The following FSTL4 variants were observed in gnomAD, a reference collection of about 807,000 sequenced individuals.
FSTL4 encodes follistatin like 4.
Under a neutral mutation model 78.2 loss-of-function variants are expected in FSTL4, and 28 were observed. That is an observed-to-expected ratio of 0.36 (90% confidence interval 0.27 to 0.49). FSTL4 has a LOEUF of 0.49. FSTL4 is among the 20% of genes least tolerant of loss of function. The pLI is 0.98. For missense variants in FSTL4, 922 were observed against 1,084.9 expected, an observed-to-expected ratio of 0.85 and a Z score of 2.11; for synonymous variants, 422 against 440.5, an observed-to-expected ratio of 0.96 and a Z score of 0.53.
At chr5:133,772,635 A>T in the FSTL4 span, among the ~76,000 whole-genome samples, 274 of 152,182 alleles carry the variant, frequency 1.8e-3, no homozygotes, top group African/African-American at 6.1e-3. Context: ...TCCATGGAGG[A>T]AGGTAGAAAA....
In FSTL4 at chr5:133,520,974, C is replaced by T. The variant is rs75322702; in HGVS notation, c.160+46212G>A. Among the ~76,000 whole-genome samples the T allele has an allele frequency of 8.3e-3, 1,260 of 152,200 alleles. 3 individuals carry two copies. Among genetic ancestry groups the T allele is most frequent in the Non-Finnish European group, 0.012 (840 of 68,010 alleles). ...CACCATGTAAGGAAAGATGTGGGTT[C>T]GAAGTCCCTGTGTGGATTAAACTTT... On this transcript the variant is annotated intron_variant, in intron 3 of 15. Transcript: ENST00000265342.
intron 2 of FSTL4, among the ~76,000 whole-genome samples, chr5:133,573,597 G>A (rs144688994): frequency 2.0e-5 from 3 of 152,156 alleles, no homozygotes; most frequent in Admixed American, 2.0e-4. Flanking sequence ...AGAACTAAGA[G>A]GAGAATTTTT....
At chr5:133,408,299 C>T (rs887182258) in intron 3 of FSTL4, among the ~76,000 whole-genome samples, 4 of 152,106 alleles carry the variant, frequency 2.6e-5, no homozygotes, top group Non-Finnish European at 4.4e-5. Flanking sequence ...CCTGCAGTAA[C>T]CAACGTCACC....
chr5:133,744,458 C>T, the FSTL4 span, among the ~76,000 whole-genome samples: 2,204 of 152,302 alleles, frequency 0.014, 50 homozygotes, highest in African/African-American at 0.049. Context: ...CATGGTGCTG[C>T]AGACAAGGCT....
chr5:133,803,078 G>C, the FSTL4 span, among the ~76,000 whole-genome samples: 2 of 152,164 alleles, frequency 1.3e-5, no homozygotes, highest in Non-Finnish European at 2.9e-5. Flanking sequence ...CAATCAGATA[G>C]AGCAGAACCA....
chr5:133,535,503 G>C (rs1016677660), intron 3 of FSTL4, among the ~76,000 whole-genome samples: 2 of 152,326 alleles, frequency 1.3e-5, no homozygotes, highest in African/African-American at 2.4e-5. Context: ...CCGTCCCTTC[G>C]TTTCCCTTAA....
At chr5:133,590,902 A>G (rs1760610220) in intron 2 of FSTL4, among the ~76,000 whole-genome samples, 2 of 152,186 alleles carry the variant, frequency 1.3e-5, no homozygotes, top group African/African-American at 4.8e-5. Flanking sequence ...ACAGAGAGCA[A>G]GAGATCCAAT....
the FSTL4 span, among the ~76,000 whole-genome samples, chr5:133,709,384 T>C: frequency 1.3e-5 from 2 of 152,276 alleles, no homozygotes; most frequent in African/African-American, 2.4e-5. Context: ...ACTTCTATAA[T>C]ACTTGAGAGA....
chr5:133,838,470 C>T, the FSTL4 span, among the ~76,000 whole-genome samples: 8 of 152,132 alleles, frequency 5.3e-5, no homozygotes, highest in Admixed American at 1.3e-4. Flanking sequence ...CTGAGCTGGA[C>T]GATTCTGGTT....
At chr5:133,502,438 G>A (rs1016053040) in intron 3 of FSTL4, among the ~76,000 whole-genome samples, 1 of 152,184 alleles carries the variant, frequency 6.6e-6, no homozygotes, top group African/African-American at 2.4e-5. Flanking sequence ...AGTCGGCAAA[G>A]AAAGCAGGTG....
chr5:133,311,440 G>GC (rs1753781932), intron 6 of FSTL4, among the ~76,000 whole-genome samples: 1 of 152,128 alleles, frequency 6.6e-6, no homozygotes, highest in South Asian at 2.1e-4. Context: ...AACTGGAAAG[G>GC]CCCCTGCAAC....
At chr5:133,667,434 A>G in the FSTL4 span, among the ~76,000 whole-genome samples, 1 of 152,216 alleles carries the variant, frequency 6.6e-6, no homozygotes, top group African/African-American at 2.4e-5. Flanking sequence ...TGTCATTTCA[A>G]TGCTGTAAAT....
At position 133,278,204 on chromosome 5, in the gene FSTL4, G is replaced by A. The variant is rs113505877; in HGVS notation, c.728-28628C>T. Reference sequence around the variant, plus strand: ...AGGTCCCATGACTGGCTGCAAGAACGGCCAGTCTATAGGAGGGCTAGGCAT... The same window carrying A: ...AGGTCCCATGACTGGCTGCAAGAACAGCCAGTCTATAGGAGGGCTAGGCAT... On this transcript the variant is annotated intron_variant, in intron 6 of 15. Transcript: ENST00000265342. 1.1e-3 allele frequency among the ~76,000 whole-genome samples: 163 copies of A among 152,268 alleles called. 1 individual carries two copies. The highest frequency in any genetic ancestry group is 3.5e-3 in the African/African-American group (145 of 41,546).
chr5:133,560,016 C>A (rs2112936630), intron 3 of FSTL4, among the ~76,000 whole-genome samples: 1 of 152,302 alleles, frequency 6.6e-6, no homozygotes, highest in African/African-American at 2.4e-5. Flanking sequence ...ACATGCCAGG[C>A]ATCTAACACT....
At chr5:133,466,270 C>T (rs555733724) in intron 3 of FSTL4, among the ~76,000 whole-genome samples, 239 of 152,310 alleles carry the variant, frequency 1.6e-3, no homozygotes, top group Non-Finnish European at 2.9e-3. Flanking sequence ...CGGCCAGGTG[C>T]GGTGGCTCAA....
the FSTL4 span, chr5:133,720,970 G>A: frequency 6.6e-6 from 1 of 152,196 alleles, no homozygotes; most frequent in Non-Finnish European, 1.5e-5. Flanking sequence ...TCTCAGATGA[G>A]CAAGCTTCAT....
At chr5:133,764,669 C>G in the FSTL4 span, among the ~76,000 whole-genome samples, 19 of 152,208 alleles carry the variant, frequency 1.2e-4, no homozygotes, top group Non-Finnish European at 2.2e-4. Context: ...AGGTTAGAAA[C>G]CTCTGAGCAA....
intron 3 of FSTL4, among the ~76,000 whole-genome samples, chr5:133,490,815 A>G (rs948941411): frequency 3.9e-5 from 6 of 152,210 alleles, no homozygotes; most frequent in Non-Finnish European, 1.5e-5. Context: ...TTGTGCATGC[A>G]AAGAATGTGT....
At chr5:133,524,402 G>C (rs550364122) in intron 3 of FSTL4, among the ~76,000 whole-genome samples, 1 of 152,310 alleles carries the variant, frequency 6.6e-6, no homozygotes, top group South Asian at 2.1e-4. Flanking sequence ...AGAGTGAAGA[G>C]CCAGAGTCAC....
Sources: allele counts gnomAD v4.1 joint callset (sites outside exome capture counted in the v4.1 genomes callset), GRCh38; gene constraint gnomAD v4.1.1; transcripts MANE v1.5; gene names NCBI Gene and HGNC (gene_info 2026-07-23, HGNC 2026-07-21).